CTNNA2: variants seen among roughly 807,000 people sequenced by gnomAD.
CTNNA2 encodes catenin alpha 2, also known as catenin alpha-2.
A neutral mutation model predicts 101.0 loss-of-function variants in CTNNA2; 42 were observed. The ratio of observed to expected loss-of-function variants is 0.42; its 90% CI spans 0.32 to 0.54. The LOEUF is 0.54. CTNNA2 is among the 20% of genes least tolerant of loss of function. The pLI is 0.14. For synonymous variants in CTNNA2, 450 were observed against 456.4 expected, an observed-to-expected ratio of 0.99 and a Z score of 0.18; for missense variants, 871 against 1,223.1, an observed-to-expected ratio of 0.71 and a Z score of 4.29.
chr2:79,482,580 A>G (rs1485927785), intron 4 of CTNNA2, among the ~76,000 whole-genome samples: 1 of 152,178 alleles, frequency 6.6e-6, no homozygotes, highest in Admixed American at 6.5e-5. Context: ...TGAGGGTCAT[A>G]CACCCAAAAA....
intron 7 of CTNNA2, among the ~76,000 whole-genome samples, chr2:80,120,579 G>A (rs928966262): frequency 6.6e-6 from 1 of 152,138 alleles, no homozygotes; most frequent in African/African-American, 2.4e-5. Context: ...GCTTGGCATA[G>A]TGCTGTAGAC....
intron 9 of CTNNA2, among the ~76,000 whole-genome samples, chr2:80,537,292 A>AT (rs1293506382): frequency 2.0e-5 from 3 of 152,190 alleles, no homozygotes; most frequent in Non-Finnish European, 4.4e-5. Flanking sequence ...TCTGTGGTGT[A>AT]TATGTGCCAT....
intron 7 of CTNNA2, among the ~76,000 whole-genome samples, chr2:80,273,162 A>T (rs1296661949): frequency 6.6e-6 from 1 of 152,194 alleles, no homozygotes; most frequent in Non-Finnish European, 1.5e-5. Flanking sequence ...TATTATTTTT[A>T]AAATTTTTAA....
intron 18 of CTNNA2, among the ~76,000 whole-genome samples, chr2:80,623,508 G>T (rs1671358813): frequency 1.3e-5 from 2 of 151,878 alleles, no homozygotes; most frequent in Non-Finnish European, 2.9e-5. Context: ...GTCAGAGAGG[G>T]CTGGAAAGAT....
intron 7 of CTNNA2, among the ~76,000 whole-genome samples, chr2:80,178,156 A>G (rs1705517242): frequency 6.6e-6 from 1 of 152,216 alleles, no homozygotes; most frequent in African/African-American, 2.4e-5. Flanking sequence ...GACCATGGGC[A>G]TCTGAGCCAT....
At chr2:80,236,440 G>A (rs1709556015) in intron 7 of CTNNA2, among the ~76,000 whole-genome samples, 1 of 152,152 alleles carries the variant, frequency 6.6e-6, no homozygotes, top group Admixed American at 6.5e-5. Flanking sequence ...TGAGGGAGAT[G>A]GGTGGTCTCT....
Position 79,248,106 on chromosome 2 carries a change from A to G in CTNNA2, c.-406+50030A>G, listed in dbSNP as rs546607959. ...TCAGAGCCTGTATTTATTTCCGACCAGTGGGGCATTGGAAAATCTGTCTCA... is the reference window on the plus strand; with the variant it reads ...TCAGAGCCTGTATTTATTTCCGACCGGTGGGGCATTGGAAAATCTGTCTCA... On this transcript the variant is annotated intron_variant, in intron 2 of 21. Coordinates refer to the CTNNA2 transcript ENST00000466387. Among the ~76,000 whole-genome samples the G allele has an allele frequency of 1.4e-4, 22 of 152,316 alleles. No homozygotes were observed. In the South Asian group the frequency reaches 4.1e-3, roughly 29 times the overall value.
In CTNNA2 at chr2:79,744,530, T is replaced by G. The variant is rs747471556; in HGVS notation, c.246T>G (p.Ser82Arg). The G allele has an allele frequency of 1.2e-6, 2 of 1,613,844 alleles. No individual in the cohort carries two copies. Among genetic ancestry groups the G allele is most frequent in the Non-Finnish European group, 1.7e-6 (2 of 1,179,916 alleles). Residue 82 changes from serine (S) to arginine (R), a missense_variant, in exon 3 of 19, where the codon AGT becomes AGG. By Grantham distance (110) the Ser-to-Arg change is moderately radical. Transcript: ENST00000402739. ...AGGGTGAACAGATCGCTAAGGAGAG[T>G]CAAGATCTCAAAGAAGAGTTGGTGG... ...LEKGEQIAKE[S>R]QDLKEELVAA...
intron 6 of CTNNA2, among the ~76,000 whole-genome samples, chr2:79,897,925 T>C (rs1471934664): frequency 6.6e-6 from 1 of 152,106 alleles, no homozygotes; most frequent in Non-Finnish European, 1.5e-5. Context: ...CAAATGCTCC[T>C]TGAAACCTCT....
chr2:79,668,998 C>A (rs541350303), intron 2 of CTNNA2, among the ~76,000 whole-genome samples: 1 of 152,156 alleles, frequency 6.6e-6, no homozygotes, highest in Non-Finnish European at 1.5e-5. Flanking sequence ...TGTGCTAATC[C>A]CAGCAGGCTG....
At chr2:79,833,770 A>G (rs1679101640) in intron 3 of CTNNA2, among the ~76,000 whole-genome samples, 1 of 152,332 alleles carries the variant, frequency 6.6e-6, no homozygotes. Flanking sequence ...CAGTCTTGCC[A>G]TGAAGAATCC....
At chr2:80,102,648 G>T (rs1448885983) in intron 7 of CTNNA2, among the ~76,000 whole-genome samples, 2 of 152,098 alleles carry the variant, frequency 1.3e-5, no homozygotes, top group African/African-American at 4.8e-5. Context: ...GAGTAGTTGG[G>T]ACTACAGGCA....
chr2:80,577,162 T>C (rs1289207739), intron 13 of CTNNA2, among the ~76,000 whole-genome samples: 3 of 152,150 alleles, frequency 2.0e-5, no homozygotes, highest in Non-Finnish European at 2.9e-5. Context: ...TTGCCCTGAA[T>C]ACAGGATGAA....
intron 7 of CTNNA2, among the ~76,000 whole-genome samples, chr2:80,109,539 G>A (rs547688674): frequency 2.0e-5 from 3 of 152,254 alleles, no homozygotes; most frequent in East Asian, 1.9e-4. Flanking sequence ...AGAGCCTCTG[G>A]TCTCCAGACC....
rs796801920 is a variant in CTNNA2, at chr2:80,359,748, GAGC to G, written c.1057-33460_1057-33458del. 1.3e-4 allele frequency among the ~76,000 whole-genome samples: 20 copies of G among 152,214 alleles called. 1 individual carries two copies. Among genetic ancestry groups the G allele is most frequent in the African/African-American group, 4.8e-4 (20 of 41,562 alleles). Reference sequence around the variant, plus strand: ...TTACTCAGTCTCAGGTATTTCTTTAGAGCAGTGTAAGAATGGACTAATATGCTG... The same window carrying G: ...TTACTCAGTCTCAGGTATTTCTTTAGAGTGTAAGAATGGACTAATATGCTG... On this transcript the variant is annotated intron_variant, in intron 7 of 18. Coordinates refer to ENST00000402739, the MANE Select transcript of CTNNA2 (RefSeq NM_001282597.3).
intron 7 of CTNNA2, among the ~76,000 whole-genome samples, chr2:80,279,820 A>C (rs1674221921): frequency 6.6e-6 from 1 of 152,130 alleles, no homozygotes; most frequent in Admixed American, 6.5e-5. Context: ...CCCTGATAAA[A>C]ATAGGTGATT....
intron 7 of CTNNA2, among the ~76,000 whole-genome samples, chr2:80,050,549 G>A (rs61533234): frequency 0.021 from 3,269 of 152,284 alleles, 117 homozygotes; most frequent in African/African-American, 0.075. Context: ...AGTGCTGGGT[G>A]TATGAGAAGT....
At chr2:80,353,351 A>G (rs1010126684) in intron 7 of CTNNA2, among the ~76,000 whole-genome samples, 7 of 152,158 alleles carry the variant, frequency 4.6e-5, no homozygotes, top group South Asian at 4.1e-4. Flanking sequence ...TAAAGGAGTT[A>G]TGTGGTAGCT....
intron 4 of CTNNA2, among the ~76,000 whole-genome samples, chr2:79,447,224 A>G (rs1678842700): frequency 6.6e-6 from 1 of 151,974 alleles, no homozygotes; most frequent in Non-Finnish European, 1.5e-5. Context: ...AAGAATGAAA[A>G]TGCTGTACTA....
Sources: allele counts gnomAD v4.1 joint callset (sites outside exome capture counted in the v4.1 genomes callset), GRCh38; gene constraint gnomAD v4.1.1; transcripts MANE v1.5; gene names NCBI Gene and HGNC (gene_info 2026-07-23, HGNC 2026-07-21).